NPAS3: variants seen among roughly 807,000 people sequenced by gnomAD.
The protein encoded by NPAS3 is neuronal PAS domain protein 3.
NPAS3 carries 14 observed loss-of-function variants against 73.1 expected under a neutral mutation model. The observed-to-expected ratio is 0.19, with a 90% CI of 0.13 to 0.30. The LOEUF is 0.30. Among genes scored for constraint, NPAS3 ranks in the 10% least tolerant of loss-of-function variants. The pLI is 1.00. For synonymous variants in NPAS3, 620 were observed against 541.5 expected, an observed-to-expected ratio of 1.14 and a Z score of -2.01; for missense variants, 1,096 against 1,250.0, an observed-to-expected ratio of 0.88 and a Z score of 1.86.
At chr14:33,351,273 C>G (rs183572741) in intron 3 of NPAS3, among the ~76,000 whole-genome samples, 14 of 152,270 alleles carry the variant, frequency 9.2e-5, no homozygotes, top group Admixed American at 9.2e-4. Flanking sequence ...CCGTGCAGCA[C>G]CACACCTGCT....
chr14:33,091,922 C>A (rs1296687716), intron 2 of NPAS3, among the ~76,000 whole-genome samples: 1 of 152,112 alleles, frequency 6.6e-6, no homozygotes, highest in African/African-American at 2.4e-5. Flanking sequence ...AATTCAGCAG[C>A]CCTTCATGCT....
At chr14:33,519,793 C>G (rs755008234) in intron 4 of NPAS3, among the ~76,000 whole-genome samples, 1 of 152,152 alleles carries the variant, frequency 6.6e-6, no homozygotes, top group African/African-American at 2.4e-5. Context: ...TTTAAAATAA[C>G]AAACACCCAC....
At chr14:33,341,983 C>T (rs559853475) in intron 3 of NPAS3, among the ~76,000 whole-genome samples, 20 of 152,260 alleles carry the variant, frequency 1.3e-4, no homozygotes, top group East Asian at 3.9e-4. Flanking sequence ...TATGCCATTC[C>T]GTACCTCATC....
upstream of NPAS3, among the ~76,000 whole-genome samples, chr14:32,935,266 A>T (rs1028613624): frequency 3.9e-5 from 6 of 152,174 alleles, no homozygotes; most frequent in African/African-American, 9.7e-5. Flanking sequence ...GTAGCGGAGG[A>T]GTTGCAGCGA....
At chr14:33,179,594 T>G (rs1197568076) in intron 2 of NPAS3, among the ~76,000 whole-genome samples, 1 of 152,204 alleles carries the variant, frequency 6.6e-6, no homozygotes, top group East Asian at 1.9e-4. Flanking sequence ...CTTCTTGACT[T>G]CAGCCTCTTA....
chr14:33,729,822 G>A (rs1040609552), intron 6 of NPAS3, among the ~76,000 whole-genome samples: 6 of 152,128 alleles, frequency 3.9e-5, no homozygotes, highest in Non-Finnish European at 8.8e-5. Context: ...AGAAGTAGTA[G>A]CTCCACCTTT....
chr14:33,056,737 A>G (rs2040902477), intron 2 of NPAS3, among the ~76,000 whole-genome samples: 1 of 152,202 alleles, frequency 6.6e-6, no homozygotes, highest in Non-Finnish European at 1.5e-5. Context: ...TCCAATTGGA[A>G]TCTTCCCCAA....
At chr14:33,112,131 C>T (rs1008955117) in intron 2 of NPAS3, among the ~76,000 whole-genome samples, 2,061 of 152,170 alleles carry the variant, frequency 0.014, 49 homozygotes, top group African/African-American at 0.047. Flanking sequence ...AATAAACATA[C>T]GTGTGCATGT....
intron 8 of NPAS3, among the ~76,000 whole-genome samples, chr14:33,776,741 A>G (rs1321880931): frequency 6.6e-6 from 1 of 152,020 alleles, no homozygotes; most frequent in Non-Finnish European, 1.5e-5. Flanking sequence ...TCCCCTCACC[A>G]ACCTTTTGGA....
chr14:33,674,815 T>C (rs186657499), intron 5 of NPAS3, among the ~76,000 whole-genome samples: 17 of 152,340 alleles, frequency 1.1e-4, no homozygotes, highest in Middle Eastern at 3.4e-3. Context: ...TGTTAACTGA[T>C]AGATGTGGAA....
rs1451218997 is a variant in NPAS3, at chr14:33,411,585, A to G, written c.468+44317A>G. Among the ~76,000 whole-genome samples, 3 of 152,346 alleles carry G rather than the reference A, an allele frequency of 2.0e-5. No individual in the cohort carries two copies. The East Asian group carries it at 5.8e-4, about 29-fold the overall frequency. On this transcript the variant is annotated intron_variant, in intron 4 of 11. Transcript: ENST00000356141. ...TCCTCCAGTGCACAGGACAGCCCTCACAACACATTTTCCAGTTTAAAATGT... is the reference window on the plus strand; with the variant it reads ...TCCTCCAGTGCACAGGACAGCCCTCGCAACACATTTTCCAGTTTAAAATGT...
At chr14:32,966,357 G>C (rs1281970235) in intron 1 of NPAS3, among the ~76,000 whole-genome samples, 1 of 152,076 alleles carries the variant, frequency 6.6e-6, no homozygotes, top group Admixed American at 6.6e-5. Flanking sequence ...CAGACACATA[G>C]ACCAATGAAA....
At chr14:33,452,774 CAAAAA>C (rs61640170) in intron 4 of NPAS3, among the ~76,000 whole-genome samples, 132 of 53,820 alleles carry the variant, frequency 2.5e-3, no homozygotes, top group African/African-American at 9.9e-3. Context: ...GACTCTGTCT[CAAAAA>C]AAAAAAAAAA....
In NPAS3 at chr14:33,476,766, G is replaced by A. The variant is rs116844388; in HGVS notation, c.469-83355G>A. 3.0e-3 allele frequency among the ~76,000 whole-genome samples: 450 copies of A among 152,206 alleles called. 2 individuals carry two copies. In the Middle Eastern group the frequency reaches 0.034, roughly 12 times the overall value. ...CCACCTGGCCCCTTTACCTTGTGGG[G>A]TATTTGTTTCAGAGCTACAGGAACC... is the stretch of plus-strand genomic sequence containing the variant. On this transcript the variant is annotated intron_variant, in intron 4 of 11. Transcript: ENST00000356141.
intron 4 of NPAS3, among the ~76,000 whole-genome samples, chr14:33,506,177 T>A (rs2052753348): frequency 6.6e-6 from 1 of 151,966 alleles, no homozygotes; most frequent in African/African-American, 2.4e-5. Flanking sequence ...TCGTCATCTG[T>A]CTCTTCAAAC....
intron 2 of NPAS3, among the ~76,000 whole-genome samples, chr14:33,160,289 T>TA (rs534358959): frequency 2.7e-4 from 41 of 152,306 alleles, no homozygotes; most frequent in Admixed American, 2.4e-3. Flanking sequence ...CATGGTAATA[T>TA]AAAATCTATC....
At chr14:33,226,404 C>A (rs967341073) in intron 3 of NPAS3, among the ~76,000 whole-genome samples, 1 of 152,106 alleles carries the variant, frequency 6.6e-6, no homozygotes, top group African/African-American at 2.4e-5. Flanking sequence ...CTGTAACCAT[C>A]ATTAAAAATC....
chr14:33,108,776 A>G (rs1321594143), intron 2 of NPAS3, among the ~76,000 whole-genome samples: 1 of 152,180 alleles, frequency 6.6e-6, no homozygotes, highest in African/African-American at 2.4e-5. Flanking sequence ...CTAAAATTCC[A>G]ATAATTCAGT....
chr14:33,622,008 T>C (rs2058089308), intron 5 of NPAS3, among the ~76,000 whole-genome samples: 1 of 152,080 alleles, frequency 6.6e-6, no homozygotes, highest in Admixed American at 6.5e-5. Context: ...AATAGGTAAA[T>C]TTTAATGACT....
Sources: allele counts gnomAD v4.1 joint callset (sites outside exome capture counted in the v4.1 genomes callset), GRCh38; gene constraint gnomAD v4.1.1; transcripts MANE v1.5; gene names NCBI Gene and HGNC (gene_info 2026-07-23, HGNC 2026-07-21).